Variants in COQ8B observed in about 807,000 individuals in gnomAD.
COQ8B encodes atypical kinase COQ8B, mitochondrial.
COQ8B carries 44 observed loss-of-function variants against 62.0 expected under a neutral mutation model. The ratio of observed to expected loss-of-function variants is 0.71; its 90% confidence interval spans 0.56 to 0.91. COQ8B has a LOEUF of 0.91. Among genes scored for constraint, COQ8B ranks in the 40% least tolerant of loss-of-function variants. The pLI is 0.00. For synonymous variants in COQ8B, 252 were observed against 289.9 expected (o/e 0.87, Z 1.33); for missense variants, 649 against 731.6 (o/e 0.89, Z 1.30).
intron 14 of COQ8B, 50 bp downstream of exon 14, chr19:40,692,901 T>C (rs1478388888): frequency 4.5e-6 from 7 of 1,555,090 alleles, no homozygotes; most frequent in Non-Finnish European, 6.2e-6. Context: ...AGCCCCCCAC[T>C]GCACCCCACC....
rs187503558 is a variant in COQ8B, at chr19:40,714,722, C to T, written c.-3-87G>A. 33 of 1,345,938 alleles carry T rather than the reference C, an allele frequency of 2.5e-5. No homozygotes were observed. In the African/African-American group the frequency reaches 4.3e-4, roughly 17 times the overall value. 83.4% of individuals were successfully genotyped at this position (1,345,938 alleles called of 1,614,324 possible). On this transcript the variant is annotated intron_variant, in intron 1 of 14. Transcript: ENST00000324464. The stretch of plus-strand genomic sequence containing the variant: ...ATGTTCCTCTGTGTCCACCCTCTCT[C>T]ATTCCCACCCACTAAATACTTCCTC...
rs1203159970 is a variant in COQ8B, at chr19:40,703,780, C to T, written c.652G>A (p.Ala218Thr). 6.2e-7 allele frequency: 1 copy of T among 1,613,964 alleles called. No homozygotes were observed. Among genetic ancestry groups the T allele is most frequent in the Non-Finnish European group, 8.5e-7 (1 of 1,180,014 alleles). ...CCCTGGTGCACCTGCCCAATTGAGG[C>T]AGCGGCAAAGGGCACCTCCTCCAAG... is the stretch of plus-strand genomic sequence containing the variant. The part of the protein sequence containing the change: ...ASLEEVPFAA[A>T]SIGQVHQGLL... Residue 218 changes from alanine to threonine, a missense_variant, in exon 8 of 15, where the codon GCC (alanine) becomes ACC (threonine). Transcript: ENST00000324464.
chr19:40,700,454 G>C lies in COQ8B; in HGVS notation c.894-3C>G, dbSNP rs759527410. The C allele has an allele frequency of 1.4e-5, 22 of 1,612,390 alleles. No individual in the cohort carries two copies. The highest frequency in any genetic ancestry group is 1.8e-5 in the Non-Finnish European group (21 of 1,179,428). Reference sequence around the variant, plus strand: ...AGGGGTCATTTGCCAGCAGCTGCCTGGGGCAGAAGGAAAGGGAGGAAGGGG... The same window carrying C: ...AGGGGTCATTTGCCAGCAGCTGCCTCGGGCAGAAGGAAAGGGAGGAAGGGG... On this transcript the variant is annotated splice_region_variant and splice_polypyrimidine_tract_variant and intron_variant, in intron 10 of 14. Coordinates refer to ENST00000324464, the MANE Select transcript of COQ8B (RefSeq NM_024876.4).
rs565680735 is a variant in COQ8B at position 40,692,640 on chromosome 19, C to G, written c.1297-267G>C. Among the ~76,000 whole-genome samples, 4 of 152,206 alleles carry G rather than the reference C, an allele frequency of 2.6e-5. No homozygotes were observed. The South Asian group carries it at 8.3e-4, about 32-fold the overall frequency. On this transcript the variant is annotated intron_variant, in intron 14 of 14. Coordinates refer to ENST00000324464, the MANE Select transcript of COQ8B (RefSeq NM_024876.4). ...TACTCTCTCTACAACAGAGAAGCGG[C>G]CTTCGCCCCTCCTGAACAGATCCAC...
At chr19:40,705,216 G>A (rs200697107) in intron 6 of COQ8B, 35 bp from the exon 7 acceptor site, 42 of 1,610,784 alleles carry the variant, frequency 2.6e-5, no homozygotes, top group African/African-American at 5.3e-5. Flanking sequence ...GGAAGTAAGC[G>A]AAGAGGTGAG....
chr19:40,711,158 G>A (rs1032563029), intron 4 of COQ8B, among the ~76,000 whole-genome samples: 1 of 149,056 alleles, frequency 6.7e-6, no homozygotes, highest in East Asian at 2.0e-4. Flanking sequence ...AGAAGGCCCC[G>A]AAACAATTGT....
chr19:40,692,421 G>A, intron 14 of COQ8B, 48 bp from the exon 15 acceptor site: 1 of 1,558,502 alleles, frequency 6.4e-7, no homozygotes. Context: ...TGTGGACATA[G>A]AGCCCTCTGC....
chr19:40,698,865 A>G (rs1255970565), intron 12 of COQ8B, among the ~76,000 whole-genome samples: 2 of 152,134 alleles, frequency 1.3e-5, no homozygotes, highest in Non-Finnish European at 2.9e-5. Context: ...TGATAAAGGT[A>G]ATGATGTATC....
chr19:40,698,657 C>T (rs1568438224), intron 12 of COQ8B, among the ~76,000 whole-genome samples: 1 of 151,962 alleles, frequency 6.6e-6, no homozygotes. Context: ...GGTGTATGCA[C>T]ATTGTGGAGA....
intron 4 of COQ8B, among the ~76,000 whole-genome samples, chr19:40,713,025 C>T (rs1424526062): frequency 1.3e-5 from 2 of 152,120 alleles, no homozygotes; most frequent in East Asian, 1.9e-4. Flanking sequence ...CATAGGGAGA[C>T]CCTATCTCTA....
intron 11 of COQ8B, 33 bp downstream of exon 11, chr19:40,700,277 A>T: frequency 6.2e-7 from 1 of 1,611,400 alleles, no homozygotes; most frequent in Non-Finnish European, 8.5e-7. Flanking sequence ...CCCTGGGGCC[A>T]TGCCCTTCCC....
rs11538384 is a variant in COQ8B, at chr19:40,714,124, G to A, written c.232C>T (p.Arg78Cys). The A allele has an allele frequency of 0.031, 50,246 of 1,614,108 alleles. 870 individuals are homozygous for A. Among genetic ancestry groups the A allele is most frequent in the Non-Finnish European group, 0.036 (42,696 of 1,179,990 alleles). The part of the protein sequence containing the change: ...RKTPRPQLSD[R>C]SRERKVPASR... The stretch of plus-strand genomic sequence containing the variant: ...GCAGGCACCTTGCGTTCTCGAGAGC[G>A]GTCACTCAGCTGGGAAATGGGGACA... Residue 78 changes from arginine (R) to cysteine (C), a missense_variant, in exon 4 of 15, where the codon CGC (arginine) becomes TGC (cysteine). By Grantham distance (180) the Arg-to-Cys change is radical (BLOSUM62 -3). Coordinates refer to ENST00000324464, the MANE Select transcript of COQ8B (RefSeq NM_024876.4).
rs2081985690 is a variant in COQ8B at position 40,692,955 on chromosome 19, G to A, written c.1292C>T (p.Thr431Ile). 1.2e-6 allele frequency: 2 copies of A among 1,613,574 alleles called. No homozygotes were observed. The highest frequency in any genetic ancestry group is 2.7e-5 in the African/African-American group (2 of 74,854). The change falls in exon 14 of 15, where the codon ACC becomes ATC. Residue 431 changes from threonine to isoleucine, a missense_variant. Coordinates refer to ENST00000324464, the MANE Select transcript of COQ8B (RefSeq NM_024876.4). ...RDLKFLTGFE[T>I]KAFSDAHVEA... ...TCTCCCCCAGTGTCTCCCCACCTTG[G>A]TTTCAAAGCCTGTGAGGAATTTGAG...
chr19:40,715,079 A>C, intron 1 of COQ8B: 1 of 983,318 alleles, frequency 1.0e-6, no homozygotes, highest in Non-Finnish European at 1.2e-6. Context: ...CCGAGTCCGC[A>C]ACCTGCTGGG....
At chr19:40,715,254 G>A in intron 1 of COQ8B, 2 of 985,678 alleles carry the variant, frequency 2.0e-6, no homozygotes, top group Non-Finnish European at 2.4e-6. Flanking sequence ...GGTGGGCATC[G>A]GGGGCCCATC....
At chr19:40,707,416 C>G (rs548482063) in intron 5 of COQ8B, among the ~76,000 whole-genome samples, 1 of 151,608 alleles carries the variant, frequency 6.6e-6, no homozygotes, top group African/African-American at 2.4e-5. Context: ...TGGAATCATT[C>G]AATATGTGGT....
chr19:40,698,233 A>AG (rs2082034773), intron 12 of COQ8B, among the ~76,000 whole-genome samples: 1 of 150,056 alleles, frequency 6.7e-6, no homozygotes, highest in South Asian at 2.1e-4. Flanking sequence ...AAAAAAGAAA[A>AG]GTGTCCCAAA....
In COQ8B at chr19:40,692,005, C is replaced by T. The variant is rs761940951; in HGVS notation, c.*30G>A. ...AGGCACTACAGCAGGGTACGGCCTG[C>T]TCTGGGGACTGAATCCCCCATGGAG... is the stretch of plus-strand genomic sequence containing the variant. On this transcript the variant is annotated 3_prime_UTR_variant, in exon 15 of 15. Transcript: ENST00000324464. 107 of 1,560,424 alleles carry T rather than the reference C, an allele frequency of 6.9e-5. No homozygotes were observed. The highest frequency in any genetic ancestry group is 9.2e-5 in the Non-Finnish European group (106 of 1,151,550).
intron 4 of COQ8B, among the ~76,000 whole-genome samples, chr19:40,711,344 C>T (rs1273851316): frequency 3.3e-5 from 5 of 152,052 alleles, no homozygotes; most frequent in Admixed American, 3.3e-4. Flanking sequence ...TGATCCTCTT[C>T]CCTCAGCCTC....
Sources: gnomAD v4.1 joint callset for allele counts (sites outside exome capture counted in the v4.1 genomes callset) on GRCh38, gnomAD v4.1.1 for gene constraint, MANE v1.5 for transcripts, NCBI Gene and HGNC (gene_info 2026-07-23, HGNC 2026-07-21) for gene names.